TBC1D1: variants seen among roughly 807,000 people sequenced by gnomAD.
TBC1D1 encodes the protein TBC1 domain family member 1.
In TBC1D1, 89 loss-of-function variants were observed where a neutral mutation model predicts 125.6. The ratio of observed to expected loss-of-function variants is 0.71; its 90% CI spans 0.60 to 0.85. TBC1D1 has a LOEUF of 0.85. Ranked by LOEUF, TBC1D1 falls within the 40% of genes least tolerant of loss-of-function variation. The pLI, the probability that TBC1D1 is intolerant of heterozygous loss-of-function variation, is 0.00. For synonymous variants in TBC1D1, 565 were observed against 564.1 expected (o/e 1.00, Z -0.02); for missense variants, 1,377 against 1,469.2 (o/e 0.94, Z 1.03).
At chr4:38,126,428 A>G (rs942136370) in intron 18 of TBC1D1, among the ~76,000 whole-genome samples, 3 of 152,248 alleles carry the variant, frequency 2.0e-5, no homozygotes, top group African/African-American at 7.2e-5. Flanking sequence ...AGTGGATTGC[A>G]TCCACATGCA....
Position 37,984,712 on chromosome 4 carries a change from G to A in TBC1D1, c.418-29797G>A, listed in dbSNP as rs147669693. 8.2e-3 allele frequency among the ~76,000 whole-genome samples: 1,236 copies of A among 151,640 alleles called. 13 individuals carry two copies. The highest frequency in any genetic ancestry group is 0.029 in the African/African-American group (1,181 of 41,362). Reference sequence around the variant, plus strand: ...ACAAAAATTAGCTGGGTGTGGTGGCGTGTACCTGTAATCCCAGCTACTTGG... The same window carrying A: ...ACAAAAATTAGCTGGGTGTGGTGGCATGTACCTGTAATCCCAGCTACTTGG... On this transcript the variant is annotated intron_variant, in intron 2 of 19. Coordinates refer to ENST00000261439, the MANE Select transcript of TBC1D1 (RefSeq NM_015173.4).
At chr4:38,110,501 G>A (rs1477838053) in intron 15 of TBC1D1, 1 of 985,326 alleles carries the variant, frequency 1.0e-6, no homozygotes, top group Non-Finnish European at 1.2e-6. Flanking sequence ...AGCACTTCAT[G>A]AAGAGGAATT....
At chr4:37,954,763 G>C (rs1327141885) in intron 2 of TBC1D1, among the ~76,000 whole-genome samples, 1 of 151,566 alleles carries the variant, frequency 6.6e-6, no homozygotes. Context: ...ATGAAGAGGC[G>C]GGGTGATTCA....
chr4:37,949,528 C>T (rs532734907), intron 2 of TBC1D1, among the ~76,000 whole-genome samples: 1 of 152,310 alleles, frequency 6.6e-6, no homozygotes, highest in East Asian at 1.9e-4. Context: ...CTCATTTTAA[C>T]CACCAGTCTC....
At chr4:38,064,234 GTCGAGAGGCAT>G (rs1753284153) in intron 12 of TBC1D1, among the ~76,000 whole-genome samples, 1 of 152,154 alleles carries the variant, frequency 6.6e-6, no homozygotes, top group South Asian at 2.1e-4. Context: ...TCCTTTACCA[GTCGAGAGGCAT>G]TTGGATTGTT....
At chr4:37,928,589 G>A (rs1219450545) in intron 2 of TBC1D1, among the ~76,000 whole-genome samples, 9 of 152,244 alleles carry the variant, frequency 5.9e-5, no homozygotes, top group East Asian at 3.9e-4. Context: ...CCGCTGTAGC[G>A]CAGCCAGCCC....
chr4:38,044,402 C>T lies in TBC1D1; in HGVS notation c.1454C>T (p.Pro485Leu), dbSNP rs763692594. ...GCAGAGAATATTGGAAGTGAATTAC[C>T]ACCCAGTGCCACTCGATTTAGGCTA... The change falls in exon 9 of 20, where the codon CCA (proline) becomes CTA (leucine). Residue 485 changes from proline (P) to leucine (L), a missense_variant. Physicochemically the swap from Pro to Leu is moderately conservative, Grantham distance 98. Coordinates refer to ENST00000261439, the MANE Select transcript of TBC1D1 (RefSeq NM_015173.4). The T allele has an allele frequency of 1.6e-5, 26 of 1,611,606 alleles. No homozygotes were observed. Among genetic ancestry groups the T allele is most frequent in the Non-Finnish European group, 2.1e-5 (25 of 1,179,460 alleles).
At chr4:38,122,374 C>A (rs1166404258) in intron 17 of TBC1D1, among the ~76,000 whole-genome samples, 1 of 152,214 alleles carries the variant, frequency 6.6e-6, no homozygotes, top group Non-Finnish European at 1.5e-5. Context: ...GTGATCTGGA[C>A]CTGCGTGCCC....
intron 12 of TBC1D1, among the ~76,000 whole-genome samples, chr4:38,072,647 A>G (rs1754899087): frequency 1.3e-5 from 2 of 152,226 alleles, no homozygotes; most frequent in South Asian, 4.1e-4. Context: ...ACATAATACT[A>G]CCATCTAAAC....
intron 18 of TBC1D1, among the ~76,000 whole-genome samples, chr4:38,125,609 G>GT (rs146144617): frequency 0.014 from 2,122 of 151,436 alleles, 39 homozygotes; most frequent in East Asian, 0.086. Context: ...TGTGTGTGTG[G>GT]TTTTTTTTTA....
rs779950150 is a variant in TBC1D1 at position 38,045,839 on chromosome 4, A to G, written c.1565A>G (p.Gln522Arg). The change falls in exon 10 of 20, where the codon CAG becomes CGG. Residue 522 changes from glutamine to arginine, a missense_variant. Transcript: ENST00000261439. ...TAGGGTAATAAAGCCAGAGGCCTGC[A>G]GGAACACTCCATCAGTGTGGATCTG... The G allele has an allele frequency of 1.2e-6, 2 of 1,614,206 alleles. No individual in the cohort carries two copies. The highest frequency in any genetic ancestry group is 1.1e-5 in the South Asian group (1 of 91,088).
chr4:37,966,657 G>T (rs1560542642), intron 2 of TBC1D1, among the ~76,000 whole-genome samples: 1 of 152,058 alleles, frequency 6.6e-6, no homozygotes, highest in African/African-American at 2.4e-5. Context: ...TATACTTTAA[G>T]TTCTAGGATA....
chr4:38,005,772 G>A (rs1740028403), intron 2 of TBC1D1, among the ~76,000 whole-genome samples: 1 of 152,212 alleles, frequency 6.6e-6, no homozygotes, highest in African/African-American at 2.4e-5. Flanking sequence ...GTGAACCCCA[G>A]AGAGCCAGCA....
At chr4:38,129,465 T>C (rs1374619345) in intron 18 of TBC1D1, among the ~76,000 whole-genome samples, 1 of 152,150 alleles carries the variant, frequency 6.6e-6, no homozygotes, top group Non-Finnish European at 1.5e-5. Context: ...AGAGGGACTT[T>C]TAGTGGGTTT....
At chr4:38,135,847 T>C (rs1352046605) in intron 19 of TBC1D1, among the ~76,000 whole-genome samples, 1 of 109,304 alleles carries the variant, frequency 9.1e-6, no homozygotes, top group Non-Finnish European at 1.9e-5. Flanking sequence ...ATGAAAAATA[T>C]ATATATATGT....
chr4:38,025,311 C>T (rs1744858711), intron 6 of TBC1D1, among the ~76,000 whole-genome samples: 1 of 152,218 alleles, frequency 6.6e-6, no homozygotes, highest in Non-Finnish European at 1.5e-5. Flanking sequence ...GCCATTTTGG[C>T]ATCACCTGGG....
At chr4:37,929,423 T>A (rs888176617) in intron 2 of TBC1D1, among the ~76,000 whole-genome samples, 7 of 152,210 alleles carry the variant, frequency 4.6e-5, no homozygotes, top group African/African-American at 1.7e-4. Flanking sequence ...ACCGCTGTAC[T>A]CCCCATGGGG....
intron 2 of TBC1D1, among the ~76,000 whole-genome samples, chr4:37,951,515 G>C (rs1447968208): frequency 2.0e-5 from 3 of 152,118 alleles, no homozygotes; most frequent in Non-Finnish European, 4.4e-5. Context: ...CTACATCCTG[G>C]GGACCACCAC....
intron 2 of TBC1D1, among the ~76,000 whole-genome samples, chr4:37,905,960 T>C (rs1717220969): frequency 1.3e-5 from 2 of 152,188 alleles, no homozygotes; most frequent in African/African-American, 2.4e-5. Flanking sequence ...ACCCATCTAG[T>C]AAAACGTTTG....
Sources: allele counts gnomAD v4.1 joint callset (sites outside exome capture counted in the v4.1 genomes callset), GRCh38; gene constraint gnomAD v4.1.1; transcripts MANE v1.5; gene names NCBI Gene and HGNC (gene_info 2026-07-23, HGNC 2026-07-21).